The following DIPK1A variants were observed in gnomAD, a reference collection of about 807,000 sequenced individuals.
The protein encoded by DIPK1A is family with sequence similarity 69 member A.
In DIPK1A, 27 loss-of-function variants were observed where a neutral mutation model predicts 40.8. That is an observed-to-expected ratio of 0.66 (90% CI 0.49 to 0.91). The LOEUF is 0.91. Among genes scored for constraint, DIPK1A ranks in the 40% least tolerant of loss-of-function variants. The pLI is 0.00. For missense variants in DIPK1A, 412 were observed against 505.7 expected (o/e 0.81, Z 1.78); for synonymous variants, 166 against 171.3 (o/e 0.97, Z 0.24).
intron 2 of DIPK1A, among the ~76,000 whole-genome samples, chr1:92,871,805 T>C (rs1280375795): frequency 6.6e-6 from 1 of 152,200 alleles, no homozygotes; most frequent in Non-Finnish European, 1.5e-5. Context: ...TTTTACTCTT[T>C]TTAAAGGCTA....
intron 1 of DIPK1A, among the ~76,000 whole-genome samples, chr1:92,904,127 A>G (rs1384629600): frequency 5.3e-4 from 81 of 152,230 alleles, no homozygotes; most frequent in Admixed American, 5.3e-3. Context: ...AAACTTATAG[A>G]AAATGTTTCA....
rs767266592 is a variant in DIPK1A, at chr1:92,847,301, G to A, written c.356C>T (p.Ala119Val). ...TTCAGTTCCAAAATCAAGATGAAGC[G>A]CTTGTTCCATTTGACATTTCACAAC... is the stretch of plus-strand genomic sequence containing the variant. Reference protein sequence around the residue: ...PGVVKCQMEQALHLDFGTELE... With the variant: ...PGVVKCQMEQVLHLDFGTELE... Residue 119 changes from alanine (A) to valine (V), a missense_variant, in exon 4 of 5, where the codon GCG (alanine) becomes GTG (valine). Coordinates refer to ENST00000370310, the MANE Select transcript of DIPK1A (RefSeq NM_001006605.5). The A allele has an allele frequency of 5.0e-6, 8 of 1,611,474 alleles. No individual in the cohort carries two copies. The highest frequency in any genetic ancestry group is 1.7e-5 in the Admixed American group (1 of 59,796).
At chr1:92,955,190 C>A (rs751793207) in intron 1 of DIPK1A, among the ~76,000 whole-genome samples, 1 of 151,840 alleles carries the variant, frequency 6.6e-6, no homozygotes, top group Non-Finnish European at 1.5e-5. Flanking sequence ...TCAGTGGGGA[C>A]AGAAGGATAA....
chr1:92,892,491 A>C (rs1011301586), intron 1 of DIPK1A, among the ~76,000 whole-genome samples: 27 of 152,048 alleles, frequency 1.8e-4, no homozygotes, highest in Non-Finnish European at 2.6e-4. Flanking sequence ...CACACCAAAA[A>C]CCCACCTGTA....
chr1:92,848,212 A>G (rs1376374566), intron 3 of DIPK1A, among the ~76,000 whole-genome samples: 1 of 152,230 alleles, frequency 6.6e-6, no homozygotes, highest in African/African-American at 2.4e-5. Flanking sequence ...TAAAAAAATA[A>G]ATAAGATCAT....
chr1:92,901,607 T>C (rs1366300887), intron 1 of DIPK1A, among the ~76,000 whole-genome samples: 1 of 151,984 alleles, frequency 6.6e-6, no homozygotes, highest in South Asian at 2.1e-4. Flanking sequence ...CCTGAGCCAA[T>C]ACGGCTCAGT....
chr1:92,836,435 T>G (rs1417127673), intron 4 of DIPK1A: 1 of 1,563,018 alleles, frequency 6.4e-7, no homozygotes, highest in South Asian at 1.1e-5. Context: ...ACCGTGGTAC[T>G]TCCCTGTTTT....
At chr1:92,943,257 G>A (rs1174328757) in intron 1 of DIPK1A, among the ~76,000 whole-genome samples, 8 of 152,206 alleles carry the variant, frequency 5.3e-5, no homozygotes, top group Admixed American at 5.2e-4. Context: ...AAAGCAAATG[G>A]AATTGTGTTG....
At chr1:92,844,462 G>GTTAA (rs1687508175) in intron 4 of DIPK1A, among the ~76,000 whole-genome samples, 1 of 151,974 alleles carries the variant, frequency 6.6e-6, no homozygotes, top group South Asian at 2.1e-4. Flanking sequence ...TCCCCTTCAG[G>GTTAA]CCCCTTAGAT....
chr1:92,943,668 G>A (rs2100896236), intron 1 of DIPK1A, among the ~76,000 whole-genome samples: 1 of 152,296 alleles, frequency 6.6e-6, no homozygotes, highest in South Asian at 2.1e-4. Flanking sequence ...CTGGCACGAG[G>A]GACCCCAGAG....
intron 2 of DIPK1A, among the ~76,000 whole-genome samples, chr1:92,855,351 C>T (rs528815034): frequency 5.3e-4 from 80 of 151,946 alleles, no homozygotes; most frequent in African/African-American, 1.7e-3. Flanking sequence ...TATAAATAAT[C>T]GCTCAACTAA....
intron 4 of DIPK1A, 88 bp downstream of exon 4, chr1:92,847,094 TC>T: frequency 1.2e-6 from 1 of 813,288 alleles, no homozygotes; most frequent in South Asian, 3.1e-5. Context: ...TCAAAGAATA[TC>T]AACACTTTAA....
intron 1 of DIPK1A, among the ~76,000 whole-genome samples, chr1:92,878,965 C>T (rs1648254853): frequency 6.6e-6 from 1 of 152,098 alleles, no homozygotes; most frequent in Non-Finnish European, 1.5e-5. Flanking sequence ...CGAGATTGTG[C>T]CACTGCATTC....
chr1:92,918,089 A>C (rs146718551), intron 1 of DIPK1A, among the ~76,000 whole-genome samples: 176 of 152,282 alleles, frequency 1.2e-3, no homozygotes, highest in African/African-American at 3.4e-3. Context: ...AGAAAAATAC[A>C]TTTGTTTTTT....
chr1:92,897,339 G>T (rs1196814184), intron 1 of DIPK1A, among the ~76,000 whole-genome samples: 1 of 152,158 alleles, frequency 6.6e-6, no homozygotes, highest in Non-Finnish European at 1.5e-5. Context: ...AAAAGGATGA[G>T]TTCATGTCCT....
chr1:92,948,488 T>C (rs1651459615), intron 1 of DIPK1A, among the ~76,000 whole-genome samples: 1 of 151,710 alleles, frequency 6.6e-6, no homozygotes, highest in South Asian at 2.1e-4. Flanking sequence ...CTCATTATGT[T>C]GCCCAGGCTG....
At chr1:92,924,683 C>T (rs1650418365) in intron 1 of DIPK1A, among the ~76,000 whole-genome samples, 1 of 152,218 alleles carries the variant, frequency 6.6e-6, no homozygotes, top group Admixed American at 6.5e-5. Context: ...CTTCGAACAA[C>T]AGGCTCTAGA....
At chr1:92,919,614 T>C (rs1650196051) in intron 1 of DIPK1A, among the ~76,000 whole-genome samples, 2 of 152,240 alleles carry the variant, frequency 1.3e-5, no homozygotes, top group Admixed American at 1.3e-4. Context: ...ACTTTGATTA[T>C]TACTCTGAGT....
At chr1:92,910,686 T>A (rs1197068812) in intron 1 of DIPK1A, among the ~76,000 whole-genome samples, 1 of 152,102 alleles carries the variant, frequency 6.6e-6, no homozygotes, top group Non-Finnish European at 1.5e-5. Context: ...TAAAATTGCA[T>A]TTTTTTATTT....
Sources: gnomAD v4.1 joint callset for allele counts (sites outside exome capture counted in the v4.1 genomes callset) on GRCh38, gnomAD v4.1.1 for gene constraint, MANE v1.5 for transcripts, NCBI Gene and HGNC (gene_info 2026-07-23, HGNC 2026-07-21) for gene names.